The following LPP variants were observed in gnomAD, a reference collection of about 807,000 sequenced individuals.
LPP encodes the protein lipoma-preferred partner.
LPP carries 38 observed loss-of-function variants against 60.4 expected under a neutral mutation model. That is an observed-to-expected ratio of 0.63 (90% CI 0.49 to 0.83). The LOEUF is 0.83. Among genes scored for constraint, LPP ranks in the 40% least tolerant of loss-of-function variants. The pLI is 0.00. For synonymous variants in LPP, 328 were observed against 290.8 expected (o/e 1.13, Z -1.30); for missense variants, 902 against 783.6 (o/e 1.15, Z -1.80).
chr3:188,429,046 G>A (rs1012351927), intron 4 of LPP, among the ~76,000 whole-genome samples: 9 of 152,062 alleles, frequency 5.9e-5, no homozygotes, highest in Admixed American at 3.3e-4. Flanking sequence ...AATAAAATAA[G>A]TACTTTCTAT....
chr3:188,416,660 T>G (rs1161460217), intron 4 of LPP, among the ~76,000 whole-genome samples: 1 of 152,214 alleles, frequency 6.6e-6, no homozygotes, highest in African/African-American at 2.4e-5. Flanking sequence ...TTGCTATTCT[T>G]TTCCCTCAGT....
intron 4 of LPP, chr3:188,472,627 C>G (rs1802130445): frequency 6.6e-6 from 1 of 151,516 alleles, no homozygotes; most frequent in Admixed American, 6.6e-5. Flanking sequence ...TCACAGAAGG[C>G]CCCTGGCCTC....
At chr3:188,558,678 T>A (rs1029831090) in intron 6 of LPP, among the ~76,000 whole-genome samples, 2 of 152,100 alleles carry the variant, frequency 1.3e-5, no homozygotes, top group African/African-American at 4.8e-5. Context: ...ATTCATTTTT[T>A]AAGAAAAATA....
chr3:188,565,103 C>G (rs1831807184), intron 6 of LPP, among the ~76,000 whole-genome samples: 1 of 151,952 alleles, frequency 6.6e-6, no homozygotes, highest in African/African-American at 2.4e-5. Context: ...AATTCTTCCT[C>G]CAACACAGCT....
At chr3:188,311,459 C>T (rs897079332) in intron 2 of LPP, among the ~76,000 whole-genome samples, 12 of 149,500 alleles carry the variant, frequency 8.0e-5, no homozygotes, top group Middle Eastern at 3.4e-3. Context: ...GATAATGGAG[C>T]GAGACCCTAT....
At chr3:188,692,855 TTC>T (rs1384925944) in intron 7 of LPP, among the ~76,000 whole-genome samples, 2 of 152,230 alleles carry the variant, frequency 1.3e-5, no homozygotes, top group Non-Finnish European at 2.9e-5. Context: ...CCGAATGACT[TTC>T]TATGCAAGAA....
intron 5 of LPP, among the ~76,000 whole-genome samples, chr3:188,485,660 A>G (rs1411391997): frequency 6.7e-6 from 1 of 150,336 alleles, no homozygotes; most frequent in East Asian, 2.0e-4. Context: ...AGCCGGGCGT[A>G]GTGGCGGGCG....
chr3:188,810,853 T>C (rs1394899963), intron 9 of LPP, among the ~76,000 whole-genome samples: 2 of 152,126 alleles, frequency 1.3e-5, no homozygotes, highest in Non-Finnish European at 2.9e-5. Flanking sequence ...ACAGAAGCCA[T>C]AATTATTTTC....
At chr3:188,502,273 A>C (rs536269219) in intron 5 of LPP, among the ~76,000 whole-genome samples, 3 of 152,264 alleles carry the variant, frequency 2.0e-5, no homozygotes, top group Admixed American at 2.0e-4. Context: ...TTTTTGGTTT[A>C]TATATTTTGA....
At chr3:188,361,964 C>T (rs79102300) in intron 3 of LPP, among the ~76,000 whole-genome samples, 4,614 of 152,216 alleles carry the variant, frequency 0.03, 254 homozygotes, top group African/African-American at 0.11. Context: ...GCTAAATGTA[C>T]TTCCTTTCCT....
rs1412985736 is a variant in LPP, at chr3:188,880,661, G to A, written c.*6182G>A. ...ATCCTTATTCATTTAACTCTGGTGG[G>A]CATTTATGTAACATACCCAAATAAA... On this transcript the variant is annotated 3_prime_UTR_variant, in exon 12 of 12. Coordinates refer to ENST00000617246, the MANE Select transcript of LPP (RefSeq NM_001375462.1). The A allele has an allele frequency of 1.6e-5, 3 of 186,700 alleles. No homozygotes were observed. Among genetic ancestry groups the A allele is most frequent in the Non-Finnish European group, 3.4e-5 (3 of 88,460 alleles). The allele number at this position is 186,700 out of a possible 1,614,324, so 11.6% of individuals were successfully genotyped here.
chr3:188,759,801 G>C (rs1051447915), intron 8 of LPP, among the ~76,000 whole-genome samples: 1 of 152,138 alleles, frequency 6.6e-6, no homozygotes, highest in Non-Finnish European at 1.5e-5. Context: ...TTGCATGTGA[G>C]ATGAGAGTCA....
intron 7 of LPP, among the ~76,000 whole-genome samples, chr3:188,617,793 T>A (rs1473047332): frequency 6.6e-6 from 1 of 152,234 alleles, no homozygotes; most frequent in Non-Finnish European, 1.5e-5. Flanking sequence ...CAATATGTAA[T>A]TCTTTGTGTT....
intron 6 of LPP, among the ~76,000 whole-genome samples, chr3:188,604,674 A>G (rs527385048): frequency 6.6e-6 from 1 of 152,284 alleles, no homozygotes; most frequent in South Asian, 2.1e-4. Context: ...CTGACCAAAG[A>G]AATGCATTTT....
At chr3:188,758,341 C>G (rs1284388481) in intron 8 of LPP, among the ~76,000 whole-genome samples, 1 of 151,918 alleles carries the variant, frequency 6.6e-6, no homozygotes, top group East Asian at 1.9e-4. Context: ...TTGTATTTTT[C>G]ATAGAGATGG....
chr3:188,817,046 C>T (rs2151392739), intron 9 of LPP, among the ~76,000 whole-genome samples: 1 of 152,190 alleles, frequency 6.6e-6, no homozygotes, highest in East Asian at 1.9e-4. Flanking sequence ...CAAGTATTTG[C>T]AAATAATTAA....
intron 3 of LPP, among the ~76,000 whole-genome samples, chr3:188,392,154 G>T (rs186894314): frequency 6.6e-6 from 1 of 152,148 alleles, no homozygotes; most frequent in Non-Finnish European, 1.5e-5. Flanking sequence ...TAACAATTAC[G>T]TTCTATTACA....
intron 8 of LPP, among the ~76,000 whole-genome samples, chr3:188,742,522 A>G (rs1249738257): frequency 2.0e-5 from 3 of 152,146 alleles, no homozygotes; most frequent in African/African-American, 7.2e-5. Flanking sequence ...ATGATGCTGA[A>G]TAAAAGGAAC....
intron 9 of LPP, among the ~76,000 whole-genome samples, chr3:188,831,615 C>T (rs1757156126): frequency 6.6e-6 from 1 of 152,216 alleles, no homozygotes; most frequent in Non-Finnish European, 1.5e-5. Context: ...TCCATGTACA[C>T]TGCATAGATT....
Sources: gnomAD v4.1 joint callset for allele counts (sites outside exome capture counted in the v4.1 genomes callset) on GRCh38, gnomAD v4.1.1 for gene constraint, MANE v1.5 for transcripts, NCBI Gene and HGNC (gene_info 2026-07-23, HGNC 2026-07-21) for gene names.